The following QKI variants were observed in gnomAD, a reference collection of about 807,000 sequenced individuals.
QKI encodes QKI, KH domain containing RNA binding.
Under a neutral mutation model 39.0 loss-of-function variants are expected in QKI, and 10 were observed. The ratio of observed to expected loss-of-function variants is 0.26; its 90% confidence interval spans 0.16 to 0.43. The LOEUF (loss-of-function observed/expected upper bound fraction) is 0.43. Among genes scored for constraint, QKI ranks in the 20% least tolerant of loss-of-function variants. QKI has a pLI of 1.00. For missense variants in QKI, 218 were observed against 428.0 expected (o/e 0.51, Z 4.33); for synonymous variants, 204 against 155.4 (o/e 1.31, Z -2.33).
chr6:163,430,651 G>T (rs1329256907), intron 1 of QKI, among the ~76,000 whole-genome samples: 12 of 152,102 alleles, frequency 7.9e-5, no homozygotes, highest in Admixed American at 7.9e-4. Flanking sequence ...GCATATTCTG[G>T]TCTAGATAGT....
At chr6:163,465,807 C>T (rs1037805204) in intron 2 of QKI, among the ~76,000 whole-genome samples, 1 of 151,884 alleles carries the variant, frequency 6.6e-6, no homozygotes, top group Non-Finnish European at 1.5e-5. Flanking sequence ...TCTGTCTATA[C>T]ACTAACAACA....
At chr6:163,452,377 A>AT (rs1212088619) in intron 1 of QKI, among the ~76,000 whole-genome samples, 12 of 152,154 alleles carry the variant, frequency 7.9e-5, no homozygotes, top group African/African-American at 2.7e-4. Flanking sequence ...ATTGAGTGAT[A>AT]TATCTTAGAG....
At chr6:163,474,008 G>T (rs749588093) in intron 2 of QKI, among the ~76,000 whole-genome samples, 2 of 152,088 alleles carry the variant, frequency 1.3e-5, no homozygotes, top group Non-Finnish European at 2.9e-5. Context: ...AGTTGAAATT[G>T]AATTTGAAAT....
chr6:163,436,246 G>A (rs977466976), intron 1 of QKI, among the ~76,000 whole-genome samples: 7 of 152,118 alleles, frequency 4.6e-5, no homozygotes, highest in Non-Finnish European at 1.0e-4. Flanking sequence ...GGGGTTTAAA[G>A]GTAAAGAAGT....
At chr6:163,505,249 G>C (rs1228105267) in intron 3 of QKI, among the ~76,000 whole-genome samples, 1 of 152,216 alleles carries the variant, frequency 6.6e-6, no homozygotes, top group Non-Finnish European at 1.5e-5. Flanking sequence ...GAGAACCTCT[G>C]CTACGGCAGT....
At chr6:163,516,556 G>A (rs1240872578) in intron 3 of QKI, among the ~76,000 whole-genome samples, 2 of 152,210 alleles carry the variant, frequency 1.3e-5, no homozygotes, top group East Asian at 3.9e-4. Context: ...GCCTCCGAAA[G>A]TGCTGGGATT....
chr6:163,566,048 G>GAAAAAAAAAA, intron 6 of QKI: 1 of 1,577,286 alleles, frequency 6.3e-7, no homozygotes. Flanking sequence ...GCCTCCGGGG[G>GAAAAAAAAAA]AAAAAAGCTT....
At chr6:163,497,120 A>G (rs528349142) in intron 3 of QKI, among the ~76,000 whole-genome samples, 94 of 152,338 alleles carry the variant, frequency 6.2e-4, no homozygotes, top group African/African-American at 2.2e-3. Flanking sequence ...TTGCATAAAG[A>G]CATTATTAAT....
At chr6:163,512,566 C>T (rs1376002560) in intron 3 of QKI, among the ~76,000 whole-genome samples, 1 of 152,040 alleles carries the variant, frequency 6.6e-6, no homozygotes, top group African/African-American at 2.4e-5. Context: ...GTTCACACAA[C>T]TCCTAATAAC....
At chr6:163,486,224 C>G in intron 3 of QKI, among the ~76,000 whole-genome samples, 1 of 152,246 alleles carries the variant, frequency 6.6e-6, no homozygotes. Flanking sequence ...ACTTCCATCT[C>G]TCACTGGATA....
At chr6:163,480,890 G>T (rs989475828) in intron 3 of QKI, among the ~76,000 whole-genome samples, 1 of 152,158 alleles carries the variant, frequency 6.6e-6, no homozygotes, top group African/African-American at 2.4e-5. Context: ...TATTCTGTCA[G>T]CCAGTTAACA....
intron 3 of QKI, among the ~76,000 whole-genome samples, chr6:163,481,582 T>C (rs1403340349): frequency 6.6e-6 from 1 of 152,254 alleles, no homozygotes; most frequent in Non-Finnish European, 1.5e-5. Flanking sequence ...GTAAATGCTA[T>C]GTACTTCTAA....
chr6:163,564,380 C>CTT, intron 6 of QKI: 2 of 1,239,716 alleles, frequency 1.6e-6, no homozygotes, highest in Non-Finnish European at 2.1e-6. Context: ...TATGGGACCA[C>CTT]ATAGTATAAG....
At chr6:163,510,535 T>G (rs1004886914) in intron 3 of QKI, among the ~76,000 whole-genome samples, 7 of 152,132 alleles carry the variant, frequency 4.6e-5, no homozygotes, top group African/African-American at 1.7e-4. Flanking sequence ...CACTCCAGCC[T>G]GGGTGACAGA....
intron 2 of QKI, among the ~76,000 whole-genome samples, chr6:163,465,404 C>T (rs1312708126): frequency 1.3e-5 from 2 of 151,806 alleles, no homozygotes; most frequent in South Asian, 2.1e-4. Flanking sequence ...CTGAGGTGGG[C>T]GGATCACTTG....
chr6:163,447,616 A>T (rs1562443113), intron 1 of QKI, among the ~76,000 whole-genome samples: 1 of 152,138 alleles, frequency 6.6e-6, no homozygotes, highest in Non-Finnish European at 1.5e-5. Context: ...ATATTTGTTA[A>T]TTCTTTAATC....
At chr6:163,507,845 A>G (rs1161955217) in intron 3 of QKI, among the ~76,000 whole-genome samples, 1 of 152,202 alleles carries the variant, frequency 6.6e-6, no homozygotes, top group Non-Finnish European at 1.5e-5. Context: ...TCAAAAGAAA[A>G]TCAGCTGATA....
chr6:163,513,770 A>T (rs142737671), intron 3 of QKI, among the ~76,000 whole-genome samples: 1 of 152,172 alleles, frequency 6.6e-6, no homozygotes, highest in African/African-American at 2.4e-5. Flanking sequence ...AAGATAAGCT[A>T]GCTTGCCACC....
intron 3 of QKI, among the ~76,000 whole-genome samples, chr6:163,506,456 A>G (rs939675344): frequency 6.6e-6 from 1 of 152,212 alleles, no homozygotes; most frequent in African/African-American, 2.4e-5. Context: ...TGCATTGTAC[A>G]AATGAAGAAG....
Sources: allele counts gnomAD v4.1 joint callset (sites outside exome capture counted in the v4.1 genomes callset), GRCh38; gene constraint gnomAD v4.1.1; transcripts MANE v1.5; gene names NCBI Gene and HGNC (gene_info 2026-07-23, HGNC 2026-07-21).